The following VIRMA variants were observed in gnomAD, a reference collection of about 807,000 sequenced individuals.
VIRMA encodes the protein protein virilizer homolog.
A neutral mutation model predicts 182.4 loss-of-function variants in VIRMA; 65 were observed. The ratio of observed to expected loss-of-function variants is 0.36; its 90% CI spans 0.29 to 0.44. The LOEUF is 0.44. VIRMA is among the 20% of genes least tolerant of loss of function. VIRMA has a pLI of 1.00. For missense variants in VIRMA, 1,752 were observed against 2,158.1 expected (o/e 0.81, Z 3.73); for synonymous variants, 709 against 743.1 (o/e 0.95, Z 0.75).
At chr8:94,499,617 A>T (rs1813898298) in intron 16 of VIRMA, 111 bp from the exon 17 acceptor site, 1 of 722,308 alleles carries the variant, frequency 1.4e-6, no homozygotes, top group African/African-American at 1.8e-5. Context: ...CATCATTTTT[A>T]AAAATGCTAA....
chr8:94,510,949 T>A lies in VIRMA; in HGVS notation c.3390+236A>T, dbSNP rs564897981. ...ATTTAAAATAACAGAAAAATGTAAGTACAAACATACATAACAGCAAAATAA... is the reference window on the plus strand; with the variant it reads ...ATTTAAAATAACAGAAAAATGTAAGAACAAACATACATAACAGCAAAATAA... On this transcript the variant is annotated intron_variant, in intron 13 of 23. Transcript: ENST00000297591. 104 of 1,319,746 alleles carry A rather than the reference T, an allele frequency of 7.9e-5. 1 individual carries two copies. The East Asian group carries it at 2.2e-3, about 28-fold the overall frequency. The allele number at this position is 1,319,746 out of a possible 1,614,324, so 81.8% of individuals were successfully genotyped here. A position where few individuals can be genotyped will look rare whatever the true frequency, so the allele number is the denominator to read the frequency against.
chr8:94,545,065 T>C (rs1815715070), intron 1 of VIRMA, among the ~76,000 whole-genome samples: 1 of 151,198 alleles, frequency 6.6e-6, no homozygotes, highest in South Asian at 2.1e-4. Flanking sequence ...TTTGAGGCTA[T>C]AGTTAAGTTA....
chr8:94,543,680 G>T, intron 2 of VIRMA, 147 bp downstream of exon 2: 1 of 527,710 alleles, frequency 1.9e-6, no homozygotes, highest in Non-Finnish European at 3.4e-6. Context: ...AGAAAATATA[G>T]AGCCAATTAC....
At chr8:94,499,564 G>T in intron 16 of VIRMA, 58 bp from the exon 17 acceptor site, 1 of 1,191,666 alleles carries the variant, frequency 8.4e-7, no homozygotes. Flanking sequence ...ATATAAAACT[G>T]GTATGATAAA....
chr8:94,538,233 T>C (rs745983106), intron 3 of VIRMA, 27 bp downstream of exon 3: 8 of 1,452,168 alleles, frequency 5.5e-6, no homozygotes, highest in Non-Finnish European at 6.8e-6. Flanking sequence ...CATGAGTTTC[T>C]GGTGAAATTA....
chr8:94,547,688 A>G (rs1335136008), intron 1 of VIRMA, among the ~76,000 whole-genome samples: 1 of 151,056 alleles, frequency 6.6e-6, no homozygotes, highest in East Asian at 1.9e-4. Flanking sequence ...AAAAATGTGT[A>G]AAACAATTTA....
rs1814684990 is a variant in VIRMA at position 94,519,492 on chromosome 8, T to C, written c.2022-16A>G. On this transcript the variant is annotated splice_polypyrimidine_tract_variant and intron_variant, in intron 8 of 23. Transcript: ENST00000297591. ...GTGAAGATATCTGTGGAAGAGTTAA[T>C]TGATACATGTCAAGTCAGTGCAAAG... 1 of 1,519,186 alleles carries C rather than the reference T, an allele frequency of 6.6e-7. No homozygotes were observed. Among genetic ancestry groups the C allele is most frequent in the East Asian group, 2.3e-5 (1 of 44,120 alleles). The allele number at this position is 1,519,186 out of a possible 1,614,324, so 94.1% of individuals were successfully genotyped here.
intron 1 of VIRMA, among the ~76,000 whole-genome samples, chr8:94,549,736 T>C (rs189828802): frequency 6.6e-6 from 1 of 152,290 alleles, no homozygotes; most frequent in Admixed American, 6.5e-5. Flanking sequence ...GCTATGCTAT[T>C]TTAGGAAAGT....
intron 13 of VIRMA, 91 bp downstream of exon 13, chr8:94,511,094 A>G: frequency 6.7e-7 from 1 of 1,503,334 alleles, no homozygotes. Flanking sequence ...AGGAAGGGAG[A>G]TGAGGGTTTT....
chr8:94,530,875 T>A (rs1815148036), intron 6 of VIRMA, 88 bp downstream of exon 6: 3 of 1,449,540 alleles, frequency 2.1e-6, no homozygotes, highest in Non-Finnish European at 2.8e-6. Context: ...TACTCCACCC[T>A]GGGCAACAGA....
At position 94,487,740 on chromosome 8, in the gene VIRMA, T is replaced by G. The variant is rs1485844893; in HGVS notation, c.*966A>C. The G allele has an allele frequency of 6.6e-6, 1 of 152,234 alleles. No homozygotes were observed. The highest frequency in any genetic ancestry group is 2.4e-5 in the African/African-American group (1 of 41,472). The allele number at this position is 152,234 out of a possible 1,614,324, so 9.4% of individuals were successfully genotyped here. A position where few individuals can be genotyped will look rare whatever the true frequency, so the allele number is the denominator to read the frequency against. Reference sequence around the variant, plus strand: ...TTACGCCACTTATATAGACTCAGTGTGTTAAGACGTATCTTGGGGAAAATA... The same window carrying G: ...TTACGCCACTTATATAGACTCAGTGGGTTAAGACGTATCTTGGGGAAAATA... On this transcript the variant is annotated 3_prime_UTR_variant, in exon 24 of 24. Transcript: ENST00000297591.
chr8:94,546,110 G>A (rs1469738305), intron 1 of VIRMA, among the ~76,000 whole-genome samples: 3 of 150,188 alleles, frequency 2.0e-5, no homozygotes, highest in Non-Finnish European at 4.4e-5. Flanking sequence ...TAGCTAGAGG[G>A]CAAAATAGCA....
intron 3 of VIRMA, among the ~76,000 whole-genome samples, chr8:94,537,998 G>C (rs1815401053): frequency 6.6e-6 from 1 of 152,196 alleles, no homozygotes; most frequent in Non-Finnish European, 1.5e-5. Context: ...TATCATGTGT[G>C]AAAGTATCAT....
chr8:94,501,781 AC>A (rs780598873), intron 16 of VIRMA, among the ~76,000 whole-genome samples: 89 of 152,002 alleles, frequency 5.9e-4, no homozygotes, highest in Middle Eastern at 3.4e-3. Context: ...ACCAGCTGAA[AC>A]CCCGGCTCTA....
intron 9 of VIRMA, among the ~76,000 whole-genome samples, chr8:94,518,515 T>C (rs530122502): frequency 6.6e-6 from 1 of 152,344 alleles, no homozygotes; most frequent in African/African-American, 2.4e-5. Flanking sequence ...CATGTCTTTC[T>C]TCTCATATAA....
At chr8:94,518,008 A>T (rs1814621361) in intron 9 of VIRMA, 66 bp from the exon 10 acceptor site, 2 of 1,286,740 alleles carry the variant, frequency 1.6e-6, no homozygotes, top group Middle Eastern at 2.3e-4. Flanking sequence ...ATTTTTAAAA[A>T]TTTTCTTCTA....
At position 94,527,171 on chromosome 8, in the gene VIRMA, G is replaced by C; in HGVS notation, c.1073C>G (p.Thr358Ser). 6.2e-7 allele frequency: 1 copy of C among 1,614,046 alleles called. No individual in the cohort carries two copies. The highest frequency in any genetic ancestry group is 8.5e-7 in the Non-Finnish European group (1 of 1,179,980). Residue 358 changes from threonine to serine, a missense_variant, in exon 8 of 24, where the codon ACT becomes AGT. By Grantham distance (58) the Thr-to-Ser change is moderately conservative. Coordinates refer to ENST00000297591, the MANE Select transcript of VIRMA (RefSeq NM_015496.5). ...LLYFSCPYKT[T>S]FEIEISRMKD... is the part of the protein sequence containing the mutation. ...CATTCTACTGATTTCAATTTCAAAAGTAGTCTTGTATGGACAACTGAAGTA... is the reference window on the plus strand; with the variant it reads ...CATTCTACTGATTTCAATTTCAAAACTAGTCTTGTATGGACAACTGAAGTA...
At chr8:94,542,176 T>C (rs1207548305) in intron 2 of VIRMA, among the ~76,000 whole-genome samples, 1 of 152,182 alleles carries the variant, frequency 6.6e-6, no homozygotes, top group Non-Finnish European at 1.5e-5. Context: ...CAGCAGAATA[T>C]GTAACCTACA....
chr8:94,530,409 A>G (rs1487839690), intron 6 of VIRMA, among the ~76,000 whole-genome samples: 1 of 150,614 alleles, frequency 6.6e-6, no homozygotes, highest in Non-Finnish European at 1.5e-5. Context: ...AGGTGGGAGG[A>G]TTTCTTGAAC....
Sources: gnomAD v4.1 joint callset for allele counts (sites outside exome capture counted in the v4.1 genomes callset) on GRCh38, gnomAD v4.1.1 for gene constraint, MANE v1.5 for transcripts, NCBI Gene and HGNC (gene_info 2026-07-23, HGNC 2026-07-21) for gene names.